ATP2B3: variants seen among roughly 807,000 people sequenced by gnomAD.
ATP2B3 encodes ATPase plasma membrane Ca2+ transporting 3, also known as plasma membrane calcium-transporting ATPase 3.
Under a neutral mutation model 70.8 loss-of-function variants are expected in ATP2B3, and 12 were observed. The observed-to-expected ratio is 0.17, with a 90% confidence interval of 0.11 to 0.27. The LOEUF is 0.27. Ranked by LOEUF, ATP2B3 falls within the 10% of genes least tolerant of loss-of-function variation. The pLI, the probability that ATP2B3 is intolerant of heterozygous loss-of-function variation, is 1.00. For synonymous variants in ATP2B3, 460 were observed against 497.8 expected, an observed-to-expected ratio of 0.92 and a Z score of 1.01; for missense variants, 858 against 1,118.5, an observed-to-expected ratio of 0.77 and a Z score of 3.32.
At chrX:153,529,102 G>T (rs782584470) in intron 2 of ATP2B3, among the ~76,000 whole-genome samples, 16 of 112,752 alleles carry the variant, frequency 1.4e-4, no homozygotes, top group African/African-American at 4.5e-4. Flanking sequence ...CCATCTTGAG[G>T]CCAGGCTTTC....
chrX:153,519,338 A>G (rs782122350), intron 2 of ATP2B3, among the ~76,000 whole-genome samples: 4 of 112,032 alleles, frequency 3.6e-5, no homozygotes, highest in African/African-American at 9.7e-5. Flanking sequence ...GGACATTCCT[A>G]TGAACCTGGT....
chrX:153,546,233 C>T, intron 8 of ATP2B3, 104 bp downstream of exon 8: 1 of 996,789 alleles, frequency 1.0e-6, no homozygotes, highest in Admixed American at 2.4e-5. Flanking sequence ...GTGGCAGGAG[C>T]AACACTTGGA....
intron 3 of ATP2B3, among the ~76,000 whole-genome samples, chrX:153,537,553 G>C (rs1470955169): frequency 3.5e-5 from 4 of 113,289 alleles, no homozygotes; most frequent in Non-Finnish European, 7.5e-5. Flanking sequence ...GGGGGGCTGC[G>C]GGCCAGGTCA....
In ATP2B3 at chrX:153,541,537, G is replaced by A. The variant is rs145627609; in HGVS notation, c.387G>A (p.Pro129=). 1.0e-4 allele frequency: 126 copies of A among 1,209,542 alleles called. No individual in the cohort carries two copies. In the African/African-American group the frequency reaches 1.8e-3, roughly 17 times the overall value. The change falls in exon 4 of 22, where the codon CCG becomes CCA. Residue 129 remains proline (P), a synonymous_variant. Coordinates refer to ENST00000263519, the MANE Select transcript of ATP2B3 (RefSeq NM_001001344.3). ...IVSLGLSFYA[P]PGEESEACGN... is the part of the protein sequence containing the mutation. ...CTCTGGGCCTCTCGTTCTATGCGCCGCCAGGAGAGGAGAGTGAAGGTAAGG... is the reference window on the plus strand; with the variant it reads ...CTCTGGGCCTCTCGTTCTATGCGCCACCAGGAGAGGAGAGTGAAGGTAAGG...
intron 9 of ATP2B3, among the ~76,000 whole-genome samples, chrX:153,548,368 C>T (rs367935988): frequency 4.5e-5 from 5 of 110,999 alleles, no homozygotes; most frequent in African/African-American, 1.6e-4. Context: ...TGCTAGTCCT[C>T]CCCAGCGGTG....
chrX:153,524,932 T>C (rs1411476547), intron 2 of ATP2B3, among the ~76,000 whole-genome samples: 1 of 111,967 alleles, frequency 8.9e-6, no homozygotes, highest in East Asian at 2.8e-4. Flanking sequence ...AAGCCGCAGA[T>C]GAGTCCGGTC....
intron 19 of ATP2B3, 100 bp from the exon 20 acceptor site, chrX:153,562,035 G>A: frequency 1.2e-5 from 9 of 761,296 alleles, no homozygotes; most frequent in Non-Finnish European, 1.8e-5. Context: ...CGTGCAACTG[G>A]GGGAACCAAC....
At chrX:153,563,359 T>G (rs888855988) in intron 20 of ATP2B3, among the ~76,000 whole-genome samples, 10 of 110,373 alleles carry the variant, frequency 9.1e-5, no homozygotes, top group African/African-American at 3.3e-4. Context: ...CAGGCTGGTC[T>G]TGAACTCCTG....
chrX:153,565,022 G>T lies in ATP2B3; in HGVS notation c.3261G>T (p.Glu1087Asp), dbSNP rs2124514311. ...EMTDEELAEG[E>D]EEIDHAEREL... ...CCGACGAGGAGCTGGCCGAAGGCGA[G>T]GAAGAGATCGACCATGCCGAGCGGG... The change falls in exon 21 of 22, where the codon GAG becomes GAT. Residue 1087 changes from glutamate to aspartate, a missense_variant. Coordinates refer to ENST00000263519, the MANE Select transcript of ATP2B3 (RefSeq NM_001001344.3). 8.3e-7 allele frequency: 1 copy of T among 1,201,806 alleles called. No individual in the cohort carries two copies. The highest frequency in any genetic ancestry group is 3.0e-5 in the East Asian group (1 of 33,373).
chrX:153,542,883 C>T (rs782696972), intron 6 of ATP2B3, among the ~76,000 whole-genome samples, 160 bp from the exon 7 acceptor site: 5 of 113,129 alleles, frequency 4.4e-5, no homozygotes, highest in Non-Finnish European at 9.4e-5. Context: ...CTGTGGGCCT[C>T]GGGGTCTCCT....
intron 2 of ATP2B3, among the ~76,000 whole-genome samples, chrX:153,528,644 G>A (rs1557000714): frequency 8.9e-6 from 1 of 111,818 alleles, no homozygotes; most frequent in Non-Finnish European, 1.9e-5. Context: ...TCTTTCTCAT[G>A]TAAGAGTCTA....
At position 153,580,318 on chromosome X, in the gene ATP2B3, A is replaced by T; in HGVS notation, c.*20A>T. The T allele has an allele frequency of 1.7e-6, 2 of 1,186,487 alleles. No individual in the cohort carries two copies. The highest frequency in any genetic ancestry group is 3.7e-5 in the South Asian group (2 of 54,697). ...CTCTAACAAGAACTTGTCTCAGCAC[A>T]TGCGCACACGCACACTCGGACTCAC... is the stretch of plus-strand genomic sequence containing the variant. On this transcript the variant is annotated 3_prime_UTR_variant, in exon 22 of 22. Coordinates refer to ENST00000263519, the MANE Select transcript of ATP2B3 (RefSeq NM_001001344.3).
At chrX:153,541,258 C>CCCAGGAG in intron 3 of ATP2B3, 101 bp from the exon 4 acceptor site, 1 of 1,047,623 alleles carries the variant, frequency 9.5e-7, no homozygotes, top group South Asian at 2.0e-5. Flanking sequence ...CTGCTGCCAC[C>CCCAGGAG]CCAGGAGCAG....
At chrX:153,570,443 C>T (rs2090770813) in intron 21 of ATP2B3, among the ~76,000 whole-genome samples, 1 of 112,445 alleles carries the variant, frequency 8.9e-6, no homozygotes, top group Admixed American at 9.3e-5. Flanking sequence ...AAGACGTTGC[C>T]AGGAAAATTT....
intron 7 of ATP2B3, 149 bp downstream of exon 7, chrX:153,543,317 G>A (rs781795007): frequency 7.7e-5 from 65 of 843,175 alleles, no homozygotes; most frequent in Non-Finnish European, 1.0e-4. Context: ...ATTCTCCGTG[G>A]AGACTCCTCT....
intron 15 of ATP2B3, among the ~76,000 whole-genome samples, 154 bp downstream of exon 15, chrX:153,556,572 C>T (rs919950461): frequency 8.9e-6 from 1 of 112,202 alleles, no homozygotes; most frequent in Non-Finnish European, 1.9e-5. Flanking sequence ...GGCAGGGGCC[C>T]ATGAGGGAAC....
chrX:153,538,901 C>A (rs1368495653), intron 3 of ATP2B3, among the ~76,000 whole-genome samples: 6 of 112,793 alleles, frequency 5.3e-5, no homozygotes, highest in Admixed American at 1.9e-4. Flanking sequence ...GAGAGGCTGG[C>A]GAGGGCGAGG....
intron 16 of ATP2B3, 145 bp downstream of exon 16, chrX:153,557,168 C>G: frequency 1.7e-6 from 1 of 584,597 alleles, no homozygotes; most frequent in Non-Finnish European, 2.7e-6. Context: ...ACATCCTGGC[C>G]ACTTGGGCCT....
At position 153,560,795 on chromosome X, in the gene ATP2B3, G is replaced by T. The variant is rs782166942; in HGVS notation, c.2959G>T (p.Ala987Ser). 2.5e-6 allele frequency: 3 copies of T among 1,210,220 alleles called. No homozygotes were observed. The East Asian group carries it at 8.9e-5, about 36-fold the overall frequency. ...GATGCAGCTCTTTAACGAGATCAAC[G>T]CCCGCAAGATCCACGGCGAGAGGAA... ...VMMQLFNEIN[A>S]RKIHGERNVF... is the part of the protein sequence containing the mutation. The change falls in exon 19 of 22, where the codon GCC becomes TCC. Residue 987 changes from alanine (A) to serine (S), a missense_variant. Ala to Ser is a moderately conservative substitution (Grantham distance 99). Coordinates refer to ENST00000263519, the MANE Select transcript of ATP2B3 (RefSeq NM_001001344.3).
Sources: gnomAD v4.1 joint callset for allele counts (sites outside exome capture counted in the v4.1 genomes callset) on GRCh38, gnomAD v4.1.1 for gene constraint, MANE v1.5 for transcripts, NCBI Gene and HGNC (gene_info 2026-07-23, HGNC 2026-07-21) for gene names.